SLC10A1: variants seen among roughly 807,000 people sequenced by gnomAD.
SLC10A1 encodes the protein solute carrier family 10 member 1.
Under a neutral mutation model 20.5 loss-of-function variants are expected in SLC10A1, and 36 were observed. The ratio of observed to expected loss-of-function variants is 1.75; its 90% CI spans 1.34 to 2.32. SLC10A1 has a LOEUF of 2.32. Ranked by LOEUF, SLC10A1 falls within the 30% of genes most tolerant of loss-of-function variation. The pLI is 0.00. For missense variants in SLC10A1, 545 were observed against 439.1 expected, an observed-to-expected ratio of 1.24 and a Z score of -2.16; for synonymous variants, 188 against 163.6, an observed-to-expected ratio of 1.15 and a Z score of -1.14.
chr14:69,784,624 A>G (rs1333539636), intron 2 of SLC10A1, among the ~76,000 whole-genome samples: 2 of 152,226 alleles, frequency 1.3e-5, no homozygotes, highest in Non-Finnish European at 2.9e-5. Flanking sequence ...AAAAAATCCC[A>G]GTGAGAGACA....
chr14:69,787,032 G>T (rs759097451), intron 1 of SLC10A1, among the ~76,000 whole-genome samples: 1 of 152,236 alleles, frequency 6.6e-6, no homozygotes, highest in Non-Finnish European at 1.5e-5. Context: ...GGCCATAATG[G>T]TGGGGTAGTA....
Position 69,797,205 on chromosome 14 carries a change from TTTC to T in SLC10A1, c.-53_-51del, listed in dbSNP as rs1472225025. 6.6e-7 allele frequency: 1 copy of T among 1,506,156 alleles called. No homozygotes were observed. The highest frequency in any genetic ancestry group is 2.1e-4 in the Middle Eastern group (1 of 4,784). The allele number at this position is 1,506,156 out of a possible 1,614,324, so 93.3% of individuals were successfully genotyped here. A position where few individuals can be genotyped will look rare whatever the true frequency, so the allele number is the denominator to read the frequency against. On this transcript the variant is annotated 5_prime_UTR_variant, in exon 1 of 5. Transcript: ENST00000216540. Reference sequence around the variant, plus strand: ...ACTCCTTGTTCTCCGGCTGACTCCGTTTCTTGTGCAGTTCTTGCTGGATGCCTT... The same window carrying T: ...ACTCCTTGTTCTCCGGCTGACTCCGTTTGTGCAGTTCTTGCTGGATGCCTT...
intron 2 of SLC10A1, among the ~76,000 whole-genome samples, chr14:69,781,305 A>G (rs1051533551): frequency 2.6e-5 from 4 of 152,206 alleles, no homozygotes; most frequent in Non-Finnish European, 5.9e-5. Context: ...TTGCTTCTCC[A>G]TAGGCTACCA....
chr14:69,796,817 C>A lies in SLC10A1; in HGVS notation c.339G>T (p.Lys113Asn). 1 of 1,613,908 alleles carries A rather than the reference C, an allele frequency of 6.2e-7. No individual in the cohort carries two copies. The highest frequency in any genetic ancestry group is 8.5e-7 in the Non-Finnish European group (1 of 1,179,874). Reference protein sequence around the residue: ...NLSNVFSLAMKGDMNLSIVMT... With the variant: ...NLSNVFSLAMNGDMNLSIVMT... ...AGGCCTACCTGAGGTTCATGTCCCC[C>A]TTCATGGCCAGACTGAAGACATTGG... is the stretch of plus-strand genomic sequence containing the variant. Residue 113 changes from lysine to asparagine, a missense_variant, in exon 1 of 5, where the codon AAG (lysine) becomes AAT (asparagine). Physicochemically the swap from Lys to Asn is moderately conservative, Grantham distance 94. Transcript: ENST00000216540.
chr14:69,786,079 A>G lies in SLC10A1; in HGVS notation c.567+18T>C, dbSNP rs1469057321. 6 of 1,607,418 alleles carry G rather than the reference A, an allele frequency of 3.7e-6. No individual in the cohort carries two copies. Among genetic ancestry groups the G allele is most frequent in the Non-Finnish European group, 5.1e-6 (6 of 1,174,068 alleles). ...TTTACTCTTTTGCCCTAATTTGTCA[A>G]GCCTCCCAGGTTCTTACCTTGATGA... is the stretch of plus-strand genomic sequence containing the variant. On this transcript the variant is annotated intron_variant, in intron 2 of 4. Transcript: ENST00000216540.
At position 69,786,036 on chromosome 14, in the gene SLC10A1, A is replaced by G. The variant is rs945152121; in HGVS notation, c.567+61T>C. 6 of 1,168,612 alleles carry G rather than the reference A, an allele frequency of 5.1e-6. No individual in the cohort carries two copies. The African/African-American group carries it at 9.1e-5, about 18-fold the overall frequency. The allele number at this position is 1,168,612 out of a possible 1,614,324, so 72.4% of individuals were successfully genotyped here. A position where few individuals can be genotyped will look rare whatever the true frequency, so the allele number is the denominator to read the frequency against. On this transcript the variant is annotated intron_variant, in intron 2 of 4. Coordinates refer to ENST00000216540, the MANE Select transcript of SLC10A1 (RefSeq NM_003049.4). ...ATTATTAATATAATGATTATATCTT[A>G]TAGTTGTATATGGTGTTTTTACTCT...
At chr14:69,779,876 C>G (rs1224366777) in intron 2 of SLC10A1, among the ~76,000 whole-genome samples, 2 of 152,284 alleles carry the variant, frequency 1.3e-5, no homozygotes, top group African/African-American at 2.4e-5. Context: ...ATACACATTC[C>G]TACAATACTG....
chr14:69,792,144 G>T (rs1480301393), intron 1 of SLC10A1, among the ~76,000 whole-genome samples: 1 of 151,796 alleles, frequency 6.6e-6, no homozygotes, highest in Admixed American at 6.6e-5. Flanking sequence ...TAGTAGAGAC[G>T]GGGTTTTGCC....
At chr14:69,780,907 G>A (rs1248930411) in intron 2 of SLC10A1, among the ~76,000 whole-genome samples, 1 of 152,162 alleles carries the variant, frequency 6.6e-6, no homozygotes, top group Non-Finnish European at 1.5e-5. Context: ...GGATAATGTA[G>A]GAGACATTGA....
chr14:69,795,312 C>A (rs1333290039), intron 1 of SLC10A1, among the ~76,000 whole-genome samples: 2 of 152,086 alleles, frequency 1.3e-5, no homozygotes, highest in Non-Finnish European at 2.9e-5. Flanking sequence ...AAAGTGAGGG[C>A]TGAATCATAT....
At chr14:69,779,073 A>G in intron 3 of SLC10A1, 109 bp downstream of exon 3, 1 of 762,816 alleles carries the variant, frequency 1.3e-6, no homozygotes, top group East Asian at 2.8e-5. Flanking sequence ...AGGCAGGAGG[A>G]TCAGTTAAAC....
At chr14:69,780,114 C>T (rs1566635177) in intron 2 of SLC10A1, among the ~76,000 whole-genome samples, 1 of 152,158 alleles carries the variant, frequency 6.6e-6, no homozygotes, top group Non-Finnish European at 1.5e-5. Context: ...TCTTGAGTGA[C>T]CTGCAAATTG....
rs1883504327 is a variant in SLC10A1, at chr14:69,778,467, AG to A, written c.808del (p.Leu270SerfsTer21). On this transcript the variant is annotated frameshift_variant, in exon 4 of 5. Coordinates refer to ENST00000216540, the MANE Select transcript of SLC10A1 (RefSeq NM_003049.4). LOFTEE classifies it high-confidence loss of function. ...GACTTCAGGTGGAAAGGCCACATTG[AG>A]GATGGTGGAACAGAGTTGGACATTT... Reference protein sequence around the residue: ...CQNVQLCSTILNVAFPPEVIG... With the variant: ...CQNVQLCSTIXNVAFPPEVIG... 2 of 1,613,810 alleles carry A rather than the reference AG, an allele frequency of 1.2e-6. No individual in the cohort carries two copies. Among genetic ancestry groups the A allele is most frequent in the South Asian group, 2.2e-5 (2 of 91,068 alleles).
rs755766309 is a variant in SLC10A1 at position 69,779,302 on chromosome 14, T to A, written c.626A>T (p.Asn209Ile). ...GGCAAACATGATGCTCTTCCCCACA[T>A]TGATGGCAGAGAGAACTGTGACGGC... ...SVAVTVLSAINVGKSIMFAMT... is the reference protein window; with the variant it reads ...SVAVTVLSAIIVGKSIMFAMT... Residue 209 changes from asparagine (N) to isoleucine (I), a missense_variant, in exon 3 of 5, where the codon AAT becomes ATT. Physicochemically the swap from Asn to Ile is moderately radical, Grantham distance 149. Transcript: ENST00000216540. The A allele has an allele frequency of 1.2e-6, 2 of 1,613,882 alleles. No individual in the cohort carries two copies. Among genetic ancestry groups the A allele is most frequent in the Admixed American group, 1.7e-5 (1 of 59,984 alleles).
chr14:69,796,354 G>A (rs1243135605), intron 1 of SLC10A1, among the ~76,000 whole-genome samples: 3 of 152,198 alleles, frequency 2.0e-5, no homozygotes, highest in African/African-American at 7.2e-5. Flanking sequence ...CGCTTTGCAG[G>A]AATTTGAGGT....
intron 1 of SLC10A1, among the ~76,000 whole-genome samples, chr14:69,796,314 A>G (rs1882385098): frequency 6.6e-6 from 1 of 152,166 alleles, no homozygotes; most frequent in African/African-American, 2.4e-5. Flanking sequence ...ATGACCAGGT[A>G]ATTGGGAGGA....
At chr14:69,778,303 A>G in intron 4 of SLC10A1, 30 bp downstream of exon 4, 1 of 1,544,358 alleles carries the variant, frequency 6.5e-7, no homozygotes, top group Non-Finnish European at 8.7e-7. Flanking sequence ...TTGGAGCAGA[A>G]CTTGAAGTGG....
At position 69,796,785 on chromosome 14, in the gene SLC10A1, C is replaced by T; in HGVS notation, c.356+15G>A. On this transcript the variant is annotated intron_variant, in intron 1 of 4. Transcript: ENST00000216540. ...CTCCTGTCCCAGGCTGTTCCCTCCT[C>T]ACCCCCAGGCCTACCTGAGGTTCAT... The T allele has an allele frequency of 6.3e-7, 1 of 1,599,388 alleles. No homozygotes were observed. Among genetic ancestry groups the T allele is most frequent in the Non-Finnish European group, 8.6e-7 (1 of 1,169,152 alleles).
intron 1 of SLC10A1, 109 bp downstream of exon 1, chr14:69,796,691 A>G: frequency 1.1e-6 from 1 of 904,302 alleles, no homozygotes; most frequent in South Asian, 1.7e-5. Flanking sequence ...GCCTCCACCC[A>G]GCCTGCATTC....
Sources: allele counts gnomAD v4.1 joint callset (sites outside exome capture counted in the v4.1 genomes callset), GRCh38; gene constraint gnomAD v4.1.1; transcripts MANE v1.5; gene names NCBI Gene and HGNC (gene_info 2026-07-23, HGNC 2026-07-21).